The following SDK1 variants were observed in gnomAD, a reference collection of about 807,000 sequenced individuals.
The protein encoded by SDK1 is sidekick cell adhesion molecule 1.
Under a neutral mutation model 245.5 loss-of-function variants are expected in SDK1, and 157 were observed. The ratio of observed to expected loss-of-function variants is 0.64; its 90% CI spans 0.56 to 0.73. SDK1 has a LOEUF of 0.73. Among genes scored for constraint, SDK1 ranks in the 30% least tolerant of loss-of-function variants. The pLI is 0.00. For missense variants in SDK1, 3,583 were observed against 3,002.3 expected, an observed-to-expected ratio of 1.19 and a Z score of -4.52; for synonymous variants, 1,647 against 1,278.5, an observed-to-expected ratio of 1.29 and a Z score of -6.15.
chr7:3,928,900 A>T (rs907975265), intron 5 of SDK1, among the ~76,000 whole-genome samples: 2 of 152,212 alleles, frequency 1.3e-5, no homozygotes, highest in Admixed American at 6.5e-5. Context: ...CAGGTGGGGA[A>T]ACCCCACGCG....
intron 4 of SDK1, among the ~76,000 whole-genome samples, chr7:3,790,729 C>T (rs538943146): frequency 6.6e-6 from 1 of 152,224 alleles, no homozygotes; most frequent in East Asian, 1.9e-4. Context: ...TTGCTTGAAC[C>T]CGGGAGGCAG....
intron 4 of SDK1, among the ~76,000 whole-genome samples, chr7:3,818,783 G>C (rs1433600610): frequency 6.6e-6 from 1 of 152,148 alleles, no homozygotes; most frequent in East Asian, 1.9e-4. Flanking sequence ...TCTCTATTCT[G>C]CTGCCACAAT....
At chr7:3,396,169 A>C (rs1365173927) in intron 1 of SDK1, among the ~76,000 whole-genome samples, 2 of 151,880 alleles carry the variant, frequency 1.3e-5, no homozygotes, top group African/African-American at 4.8e-5. Context: ...TATTCAGATT[A>C]AAATACTTGC....
intron 5 of SDK1, among the ~76,000 whole-genome samples, chr7:3,940,950 C>G (rs977338325): frequency 3.9e-5 from 6 of 152,188 alleles, no homozygotes; most frequent in African/African-American, 1.2e-4. Context: ...CCATGTACCC[C>G]CTGAACCTGC....
At chr7:3,413,279 G>C (rs1189783123) in intron 1 of SDK1, among the ~76,000 whole-genome samples, 3 of 152,212 alleles carry the variant, frequency 2.0e-5, no homozygotes, top group Non-Finnish European at 2.9e-5. Flanking sequence ...ATCATGAGCA[G>C]AGGGGAGCAG....
chr7:3,699,323 C>A (rs568966121), intron 4 of SDK1, among the ~76,000 whole-genome samples: 1 of 152,060 alleles, frequency 6.6e-6, no homozygotes, highest in African/African-American at 2.4e-5. Context: ...GTCCGACCAG[C>A]ATTTTAAAGC....
At chr7:3,931,336 T>C (rs1355380990) in intron 5 of SDK1, among the ~76,000 whole-genome samples, 2 of 152,192 alleles carry the variant, frequency 1.3e-5, no homozygotes, top group African/African-American at 4.8e-5. Context: ...TAAGTGCAAA[T>C]GTTCATACAA....
chr7:3,400,079 G>C (rs1210657968), intron 1 of SDK1, among the ~76,000 whole-genome samples: 1 of 152,086 alleles, frequency 6.6e-6, no homozygotes, highest in Admixed American at 6.6e-5. Context: ...CAGTGCTCCA[G>C]AGAGGGCGCT....
Position 3,672,789 on chromosome 7 carries a change from ATAT to A in SDK1, c.713+30685_713+30687del, listed in dbSNP as rs1244430540. 3.1e-4 allele frequency among the ~76,000 whole-genome samples: 33 copies of A among 106,570 alleles called. 1 individual carries two copies. The South Asian group carries it at 5.6e-3, about 18-fold the overall frequency. The allele number at this position is 106,570 out of a possible 152,430, so 69.9% of individuals were successfully genotyped here. ...TATATATATATATATATATATATATATATATAAAAAATACAGAAAGCTCTAAGT... is the reference window on the plus strand; with the variant it reads ...TATATATATATATATATATATATATAATAAAAAATACAGAAAGCTCTAAGT... On this transcript the variant is annotated intron_variant, in intron 4 of 44. Coordinates refer to ENST00000404826, the MANE Select transcript of SDK1 (RefSeq NM_152744.4).
intron 17 of SDK1, among the ~76,000 whole-genome samples, chr7:4,046,096 T>G (rs79199916): frequency 3.0e-5 from 4 of 131,258 alleles, no homozygotes; most frequent in Non-Finnish European, 6.3e-5. Context: ...ACCCAGCTGA[T>G]TTTTTTTTTT....
rs112052014 is a variant in SDK1 at position 4,208,305 on chromosome 7, C to G, written c.5401+20C>G. The G allele has an allele frequency of 1.6e-4, 263 of 1,608,768 alleles. 2 individuals carry two copies. In the African/African-American group the frequency reaches 3.0e-3, roughly 19 times the overall value. On this transcript the variant is annotated intron_variant, in intron 37 of 44. Transcript: ENST00000404826. ...AGGCCGGTAGGAGGAAGGCGGGTTTCCTTTGGGCAGGCCTCCTTGGACACG... is the reference window on the plus strand; with the variant it reads ...AGGCCGGTAGGAGGAAGGCGGGTTTGCTTTGGGCAGGCCTCCTTGGACACG...
chr7:3,381,403 T>C (rs984292141), intron 1 of SDK1, among the ~76,000 whole-genome samples: 2 of 151,870 alleles, frequency 1.3e-5, no homozygotes, highest in African/African-American at 2.4e-5. Context: ...CACTGGTGAC[T>C]GTGGGCTGCA....
chr7:4,036,649 A>T (rs969421384), intron 17 of SDK1, among the ~76,000 whole-genome samples: 2 of 152,170 alleles, frequency 1.3e-5, no homozygotes, highest in Non-Finnish European at 2.9e-5. Flanking sequence ...AGATGGTGTT[A>T]GGAGATGGTG....
intron 43 of SDK1, among the ~76,000 whole-genome samples, chr7:4,244,828 C>G (rs1384974697): frequency 6.6e-6 from 1 of 152,216 alleles, no homozygotes; most frequent in African/African-American, 2.4e-5. Flanking sequence ...GGGCCCCAGC[C>G]TCTTCTTGGC....
At chr7:4,139,629 ATG>A (rs1311329499) in intron 28 of SDK1, among the ~76,000 whole-genome samples, 3,766 of 28,218 alleles carry the variant, frequency 0.13, 561 homozygotes, top group Admixed American at 0.18. Context: ...GTGTGTGTAT[ATG>A]TATATATGTG....
rs1782751946 is a variant in SDK1 at position 3,974,532 on chromosome 7, C to T, written c.1981C>T (p.Arg661Trp). Residue 661 changes from arginine (R) to tryptophan (W), a missense_variant, in exon 13 of 45, where the codon CGG (arginine) becomes TGG (tryptophan). Physicochemically the swap from Arg to Trp is moderately radical, Grantham distance 101 (BLOSUM62 -3). Transcript: ENST00000404826. ...SEGGNDSRMA[R>W]LEVIELPHSP... ...AGGAGGGAATGACTCCAGGATGGCC[C>T]GGCTGGAAGTGATGTGAGTACTGAG... 2.5e-6 allele frequency: 4 copies of T among 1,614,018 alleles called. No individual in the cohort carries two copies. The highest frequency in any genetic ancestry group is 3.4e-6 in the Non-Finnish European group (4 of 1,179,978).
Position 3,485,017 on chromosome 7 carries a change from C to T in SDK1, c.299-134063C>T, listed in dbSNP as rs191013337. On this transcript the variant is annotated intron_variant, in intron 1 of 44. Coordinates refer to ENST00000404826, the MANE Select transcript of SDK1 (RefSeq NM_152744.4). The stretch of plus-strand genomic sequence containing the variant: ...AATTTCCTTTCTTTTGGGTATATAC[C>T]CAGCAGCGGAATTGCTAGATCATAT... Among the ~76,000 whole-genome samples the T allele has an allele frequency of 2.6e-5, 4 of 152,096 alleles. No homozygotes were observed. In the East Asian group the frequency reaches 5.8e-4, roughly 22 times the overall value.
At chr7:3,521,699 G>A (rs1276367440) in intron 1 of SDK1, among the ~76,000 whole-genome samples, 3 of 152,156 alleles carry the variant, frequency 2.0e-5, no homozygotes, top group African/African-American at 7.2e-5. Context: ...AGTGGGGGAA[G>A]AACTTGATCA....
chr7:4,250,033 C>T (rs1437113120), intron 44 of SDK1, among the ~76,000 whole-genome samples: 1 of 152,174 alleles, frequency 6.6e-6, no homozygotes, highest in Non-Finnish European at 1.5e-5. Flanking sequence ...CCTCAATCTC[C>T]CCAAACCACC....
Sources: allele counts gnomAD v4.1 joint callset (sites outside exome capture counted in the v4.1 genomes callset), GRCh38; gene constraint gnomAD v4.1.1; transcripts MANE v1.5; gene names NCBI Gene and HGNC (gene_info 2026-07-23, HGNC 2026-07-21).